The following NDST3 variants were observed in gnomAD, a reference collection of about 807,000 sequenced individuals.
NDST3 encodes the protein bifunctional heparan sulfate N-deacetylase/N-sulfotransferase 3.
Under a neutral mutation model 96.1 loss-of-function variants are expected in NDST3, and 58 were observed. That is an observed-to-expected ratio of 0.60 (90% CI 0.49 to 0.75). NDST3 has a LOEUF of 0.75. NDST3 is among the 30% of genes least tolerant of loss of function. The pLI, the probability that NDST3 is intolerant of heterozygous loss-of-function variation, is 0.00. For missense variants in NDST3, 788 were observed against 1,034.2 expected, an observed-to-expected ratio of 0.76 and a Z score of 3.27; for synonymous variants, 333 against 359.7, an observed-to-expected ratio of 0.93 and a Z score of 0.84.
At chr4:118,143,738 T>C in intron 6 of NDST3, 54 bp downstream of exon 6, 1 of 1,536,722 alleles carries the variant, frequency 6.5e-7, no homozygotes, top group Non-Finnish European at 8.7e-7. Flanking sequence ...CTGGCAAAAA[T>C]TACCCTGGCA....
chr4:118,087,286 A>G (rs1164938383), intron 2 of NDST3, among the ~76,000 whole-genome samples: 1 of 152,168 alleles, frequency 6.6e-6, no homozygotes, highest in Non-Finnish European at 1.5e-5. Context: ...GTAATTGCTT[A>G]TAATTCTCAA....
chr4:118,192,075 C>T (rs1414328833), intron 6 of NDST3, among the ~76,000 whole-genome samples: 1 of 152,184 alleles, frequency 6.6e-6, no homozygotes, highest in Non-Finnish European at 1.5e-5. Context: ...TTTGCTGTTT[C>T]TATACCTTCC....
chr4:118,155,584 T>G (rs1224290844), intron 6 of NDST3, among the ~76,000 whole-genome samples: 5 of 152,220 alleles, frequency 3.3e-5, no homozygotes, highest in Non-Finnish European at 7.3e-5. Context: ...ATTTCAATGT[T>G]TAATATTAAA....
intron 6 of NDST3, among the ~76,000 whole-genome samples, chr4:118,144,205 G>C (rs796104047): frequency 5.3e-5 from 8 of 151,670 alleles, no homozygotes; most frequent in East Asian, 1.9e-4. Context: ...TTTTGAGATG[G>C]AGTCTCACTC....
rs771392519 is a variant in NDST3, at chr4:118,253,558, T to C, written c.2459T>C (p.Leu820Pro). 1.2e-6 allele frequency: 2 copies of C among 1,613,086 alleles called. No individual in the cohort carries two copies. The highest frequency in any genetic ancestry group is 2.2e-5 in the South Asian group (2 of 90,994). ...CTGGAAGAAGGTAAAACAAAATGCC[T>C]TGGAAAGAGCAAAGGAAGAAAATAC... ...QLLEEGKTKC[L>P]GKSKGRKYPP... The change falls in exon 13 of 14, where the codon CTT becomes CCT. Residue 820 changes from leucine (L) to proline (P), a missense_variant. Transcript: ENST00000296499.
At chr4:118,133,547 C>T (rs867895844) in intron 4 of NDST3, among the ~76,000 whole-genome samples, 4 of 152,116 alleles carry the variant, frequency 2.6e-5, no homozygotes, top group African/African-American at 9.7e-5. Context: ...GATTGCTTAC[C>T]TGATTTTTTG....
At chr4:118,216,481 G>A (rs894217412) in intron 6 of NDST3, among the ~76,000 whole-genome samples, 2 of 151,992 alleles carry the variant, frequency 1.3e-5, no homozygotes, top group African/African-American at 4.8e-5. Context: ...AACCCTGTGA[G>A]GTAATTACTA....
intron 6 of NDST3, among the ~76,000 whole-genome samples, chr4:118,163,543 C>T (rs888662341): frequency 2.6e-5 from 4 of 151,740 alleles, no homozygotes; most frequent in African/African-American, 7.3e-5. Flanking sequence ...TAGGTGGGAA[C>T]TGAACAATGA....
chr4:118,235,527 T>C (rs1740582233), intron 9 of NDST3, among the ~76,000 whole-genome samples: 1 of 152,140 alleles, frequency 6.6e-6, no homozygotes, highest in African/African-American at 2.4e-5. Flanking sequence ...CTGTTCCAGA[T>C]ACAAAAGACT....
intron 4 of NDST3, among the ~76,000 whole-genome samples, chr4:118,122,660 C>T (rs1731699732): frequency 6.6e-6 from 1 of 152,056 alleles, no homozygotes; most frequent in African/African-American, 2.4e-5. Context: ...GATCAGGAAA[C>T]GTGAAACTTG....
At chr4:118,040,595 C>T (rs1044851152) in intron 1 of NDST3, among the ~76,000 whole-genome samples, 1 of 152,076 alleles carries the variant, frequency 6.6e-6, no homozygotes, top group Non-Finnish European at 1.5e-5. Flanking sequence ...ATATTTCCCT[C>T]ATTTCCTGTG....
chr4:118,162,212 G>A (rs1480438734), intron 6 of NDST3, among the ~76,000 whole-genome samples: 1 of 152,042 alleles, frequency 6.6e-6, no homozygotes, highest in Non-Finnish European at 1.5e-5. Context: ...TCCCCATCAA[G>A]CTACCAATGA....
intron 12 of NDST3, among the ~76,000 whole-genome samples, chr4:118,252,834 C>T (rs1457677018): frequency 1.3e-5 from 2 of 151,842 alleles, no homozygotes; most frequent in South Asian, 2.1e-4. Context: ...GAGGTTGCGG[C>T]GAGCCGAGAT....
chr4:118,042,323 A>G (rs998023404), intron 1 of NDST3, among the ~76,000 whole-genome samples: 3 of 151,874 alleles, frequency 2.0e-5, no homozygotes, highest in Non-Finnish European at 2.9e-5. Flanking sequence ...AATATCTCTC[A>G]TTTCCATTCT....
At chr4:118,194,252 G>A in intron 6 of NDST3, 4 of 724,242 alleles carry the variant, frequency 5.5e-6, no homozygotes, top group Middle Eastern at 6.3e-4. Flanking sequence ...CTCCATGATA[G>A]CACCCTCATT....
chr4:118,060,710 G>A (rs1336296130), intron 2 of NDST3, among the ~76,000 whole-genome samples: 1 of 151,658 alleles, frequency 6.6e-6, no homozygotes, highest in Non-Finnish European at 1.5e-5. Flanking sequence ...TGGTTTAAAT[G>A]AATGTATTTT....
At position 118,090,908 on chromosome 4, in the gene NDST3, G is replaced by C. The variant is rs772579398; in HGVS notation, c.982-14110G>C. Among the ~76,000 whole-genome samples the C allele has an allele frequency of 5.9e-5, 9 of 151,922 alleles. No individual in the cohort carries two copies. The East Asian group carries it at 1.6e-3, about 26-fold the overall frequency. Reference sequence around the variant, plus strand: ...TGTAAAGAGATAAAATATGTACATAGTTACAATTATATTTTACAAATTAAA... The same window carrying C: ...TGTAAAGAGATAAAATATGTACATACTTACAATTATATTTTACAAATTAAA... On this transcript the variant is annotated intron_variant, in intron 2 of 13. Transcript: ENST00000296499.
At chr4:118,087,628 C>G (rs548360822) in intron 2 of NDST3, among the ~76,000 whole-genome samples, 2 of 152,182 alleles carry the variant, frequency 1.3e-5, no homozygotes, top group African/African-American at 4.8e-5. Flanking sequence ...AGAGCTTCTC[C>G]CATGTCCATA....
intron 2 of NDST3, among the ~76,000 whole-genome samples, chr4:118,061,672 T>A: frequency 6.6e-6 from 1 of 152,176 alleles, no homozygotes; most frequent in East Asian, 1.9e-4. Flanking sequence ...GGGCAAGATT[T>A]TTTTCATCTA....
Sources: gnomAD v4.1 joint callset for allele counts (sites outside exome capture counted in the v4.1 genomes callset) on GRCh38, gnomAD v4.1.1 for gene constraint, MANE v1.5 for transcripts, NCBI Gene and HGNC (gene_info 2026-07-23, HGNC 2026-07-21) for gene names.